Variants in UBALD2 observed in about 807,000 individuals in gnomAD.
The protein encoded by UBALD2 is UBA like domain containing 2.
Under a neutral mutation model 15.9 loss-of-function variants are expected in UBALD2, and 8 were observed. That is an observed-to-expected ratio of 0.50 (90% CI 0.29 to 0.91). The LOEUF is 0.91. Among genes scored for constraint, UBALD2 ranks in the 40% least tolerant of loss-of-function variants. UBALD2 has a pLI of 0.07. For synonymous variants in UBALD2, 113 were observed against 97.7 expected (o/e 1.16, Z -0.93); for missense variants, 178 against 234.8 (o/e 0.76, Z 1.58).
At chr17:76,268,766 C>T (rs1174954298) in intron 2 of UBALD2, among the ~76,000 whole-genome samples, 2 of 126,580 alleles carry the variant, frequency 1.6e-5, no homozygotes, top group Admixed American at 1.7e-4. Context: ...CGGAGTTTTG[C>T]TCTGCCACCT....
At chr17:76,268,188 C>T (rs1387165455) in intron 2 of UBALD2, among the ~76,000 whole-genome samples, 1 of 152,184 alleles carries the variant, frequency 6.6e-6, no homozygotes, top group Non-Finnish European at 1.5e-5. Flanking sequence ...GACAAAGGTA[C>T]AGGGGACAAT....
At position 76,265,935 on chromosome 17, in the gene UBALD2, C is replaced by G; in HGVS notation, c.149C>G (p.Thr50Ser). 6.2e-7 allele frequency: 1 copy of G among 1,601,350 alleles called. No individual in the cohort carries two copies. The highest frequency in any genetic ancestry group is 1.3e-5 in the African/African-American group (1 of 74,682). The change falls in exon 2 of 3, where the codon ACC becomes AGC. Residue 50 changes from threonine (T) to serine (S), a missense_variant. Transcript: ENST00000327490. Reference sequence around the variant, plus strand: ...GCGCTGAGCACGTTCTTCCAAGAAACCAACATTCCCAACAGCCACCACCAC... The same window carrying G: ...GCGCTGAGCACGTTCTTCCAAGAAAGCAACATTCCCAACAGCCACCACCAC... ...ETALSTFFQE[T>S]NIPNSHHHHQ...
chr17:76,270,079 G>GA, intron 2 of UBALD2, 115 bp from the exon 3 acceptor site: 2 of 1,129,820 alleles, frequency 1.8e-6, no homozygotes, highest in Non-Finnish European at 2.5e-6. Flanking sequence ...CTGCTTGTGC[G>GA]AAAATGAATG....
rs1046853784 is a variant in UBALD2, at chr17:76,269,682, G to A, written c.184-512G>A. On this transcript the variant is annotated intron_variant, in intron 2 of 2. Coordinates refer to ENST00000327490, the MANE Select transcript of UBALD2 (RefSeq NM_182565.4). This position sits in a 1 kb window ranked among gnomAD's most constrained non-coding sequence, Gnocchi z 4.6. The stretch of plus-strand genomic sequence containing the variant: ...AAGGGAGGCAAAGCCTTCAAGGCCT[G>A]GTGGCTGTCACCCTTAGTGTGGTGT... Among the ~76,000 whole-genome samples the A allele has an allele frequency of 6.6e-6, 1 of 152,236 alleles. No homozygotes were observed. Among genetic ancestry groups the A allele is most frequent in the Non-Finnish European group, 1.5e-5 (1 of 68,032 alleles).
chr17:76,268,858 C>T (rs2143063334), intron 2 of UBALD2, among the ~76,000 whole-genome samples: 1 of 152,008 alleles, frequency 6.6e-6, no homozygotes, highest in Admixed American at 6.6e-5. Flanking sequence ...CTCAACCTCC[C>T]AAGTAGCTGG....
At position 76,265,641 on chromosome 17, in the gene UBALD2, C is replaced by T. The variant is rs2070538913; in HGVS notation, c.120+16C>T. On this transcript the variant is annotated intron_variant, in intron 1 of 2. Coordinates refer to ENST00000327490, the MANE Select transcript of UBALD2 (RefSeq NM_182565.4). The stretch of plus-strand genomic sequence containing the variant: ...GCAGTTCGAGGTGCGAGCCTGGCCG[C>T]CGCGGGGCCGGGCCGCGGGGGTCGG... 8.6e-7 allele frequency: 1 copy of T among 1,159,072 alleles called. No individual in the cohort carries two copies. Among genetic ancestry groups the T allele is most frequent in the East Asian group, 5.1e-5 (1 of 19,748 alleles). The allele number at this position is 1,159,072 out of a possible 1,614,324, so 71.8% of individuals were successfully genotyped here.
At chr17:76,267,490 C>CTTTTT (rs55819046) in intron 2 of UBALD2, among the ~76,000 whole-genome samples, 1,900 of 115,042 alleles carry the variant, frequency 0.017, 76 homozygotes, top group African/African-American at 0.054. Context: ...TTCATGGTTT[C>CTTTTT]TTTTTTTTTT....
chr17:76,268,036 T>C (rs2070557831), intron 2 of UBALD2, among the ~76,000 whole-genome samples: 2 of 152,140 alleles, frequency 1.3e-5, no homozygotes, highest in South Asian at 2.1e-4. Context: ...AACAGCAAAA[T>C]GGCAAAACCA....
intron 2 of UBALD2, among the ~76,000 whole-genome samples, chr17:76,266,283 G>A (rs775614726): frequency 9.9e-5 from 15 of 152,236 alleles, no homozygotes; most frequent in Non-Finnish European, 1.6e-4. Context: ...AGGGGATGGG[G>A]AGGGGGAGAG....
At position 76,268,488 on chromosome 17, in the gene UBALD2, T is replaced by TGGGGG. The variant is rs34116305; in HGVS notation, c.184-1700_184-1696dup. 6.9e-5 allele frequency among the ~76,000 whole-genome samples: 9 copies of TGGGGG among 129,510 alleles called. No individual in the cohort carries two copies. The South Asian group carries it at 2.4e-3, about 34-fold the overall frequency. 85.0% of individuals were successfully genotyped at this position (129,510 alleles called of 152,430 possible). On this transcript the variant is annotated intron_variant, in intron 2 of 2. Transcript: ENST00000327490. The stretch of plus-strand genomic sequence containing the variant: ...CTGCCGAGAAGTCATCCCCAGAGGG[T>TGGGGG]GGGGGGGGGGCAGGGAGTAGTGGAG...
In UBALD2 at chr17:76,265,414, G is replaced by C. The variant is rs2070536319; in HGVS notation, c.-92G>C. 2 of 977,174 alleles carry C rather than the reference G, an allele frequency of 2.0e-6. No homozygotes were observed. The highest frequency in any genetic ancestry group is 2.4e-6 in the Non-Finnish European group (2 of 824,620). 60.5% of individuals were successfully genotyped at this position (977,174 alleles called of 1,614,324 possible). A position where few individuals can be genotyped will look rare whatever the true frequency, so the allele number is the denominator to read the frequency against. ...GCGGCGGCAGCAGCGGTGAGCGCGA[G>C]CCCCGGAGCCCCGGGCGGCCGGCCT... On this transcript the variant is annotated 5_prime_UTR_variant, in exon 1 of 3. Coordinates refer to ENST00000327490, the MANE Select transcript of UBALD2 (RefSeq NM_182565.4).
rs1046385386 is a variant in UBALD2 at position 76,269,953 on chromosome 17, C to T, written c.184-241C>T. 6.6e-6 allele frequency among the ~76,000 whole-genome samples: 1 copy of T among 152,292 alleles called. No individual in the cohort carries two copies. Among genetic ancestry groups the T allele is most frequent in the South Asian group, 2.1e-4 (1 of 4,824 alleles). The stretch of plus-strand genomic sequence containing the variant: ...TTAACCATTTACTTTGAATGCTCCT[C>T]GGGGTGTCATTTCCAGGCCTCATGA... On this transcript the variant is annotated intron_variant, in intron 2 of 2. Coordinates refer to ENST00000327490, the MANE Select transcript of UBALD2 (RefSeq NM_182565.4). This position sits in a 1 kb window ranked among gnomAD's most constrained non-coding sequence, Gnocchi z 4.6.
rs1004259173 is a variant in UBALD2 at position 76,265,951 on chromosome 17, C to A, written c.165C>A (p.Ser55Arg). ...TCCAAGAAACCAACATTCCCAACAGCCACCACCACCACCAGATGGTAAGCG... is the reference window on the plus strand; with the variant it reads ...TCCAAGAAACCAACATTCCCAACAGACACCACCACCACCAGATGGTAAGCG... ...TFFQETNIPN[S>R]HHHHQMMCTP... The change falls in exon 2 of 3, where the codon AGC becomes AGA. Residue 55 changes from serine (S) to arginine (R), a missense_variant. Coordinates refer to ENST00000327490, the MANE Select transcript of UBALD2 (RefSeq NM_182565.4). The A allele has an allele frequency of 6.3e-7, 1 of 1,591,998 alleles. No individual in the cohort carries two copies. Among genetic ancestry groups the A allele is most frequent in the South Asian group, 1.1e-5 (1 of 88,174 alleles).
At chr17:76,267,029 G>T (rs1348691064) in intron 2 of UBALD2, among the ~76,000 whole-genome samples, 1 of 152,182 alleles carries the variant, frequency 6.6e-6, no homozygotes, top group Non-Finnish European at 1.5e-5. Flanking sequence ...TGGCATTTGA[G>T]TATGATGGGA....
Position 76,270,836 on chromosome 17 carries a change from G to T in UBALD2, c.*331G>T. The T allele has an allele frequency of 5.4e-6, 1 of 184,646 alleles. No homozygotes were observed. The highest frequency in any genetic ancestry group is 1.1e-5 in the Non-Finnish European group (1 of 90,100). 11.4% of individuals were successfully genotyped at this position (184,646 alleles called of 1,614,324 possible). A position where few individuals can be genotyped will look rare whatever the true frequency, so the allele number is the denominator to read the frequency against. On this transcript the variant is annotated 3_prime_UTR_variant, in exon 3 of 3. Coordinates refer to ENST00000327490, the MANE Select transcript of UBALD2 (RefSeq NM_182565.4). ...GGGCTGCCATGCTGCAGAGCTGATGGAGTGATGTTGTGGGCACAAGGCATC... is the reference window on the plus strand; with the variant it reads ...GGGCTGCCATGCTGCAGAGCTGATGTAGTGATGTTGTGGGCACAAGGCATC...
chr17:76,270,042 G>A (rs997710942), intron 2 of UBALD2, 152 bp from the exon 3 acceptor site: 51 of 739,220 alleles, frequency 6.9e-5, no homozygotes, highest in Admixed American at 2.4e-4. Flanking sequence ...ATTGCCTCGG[G>A]GAGAGGGCAC....
intron 2 of UBALD2, 141 bp downstream of exon 2, chr17:76,266,110 C>CT: frequency 8.9e-7 from 1 of 1,125,114 alleles, no homozygotes; most frequent in Non-Finnish European, 1.3e-6. Context: ...CGGGCCGGCG[C>CT]TGGCGCCTCC....
At chr17:76,267,404 A>G (rs758139219) in intron 2 of UBALD2, among the ~76,000 whole-genome samples, 4 of 151,684 alleles carry the variant, frequency 2.6e-5, no homozygotes, top group Admixed American at 6.6e-5. Context: ...AACACACATA[A>G]CCAGTGTGTC....
At chr17:76,266,288 G>A (rs962910388) in intron 2 of UBALD2, among the ~76,000 whole-genome samples, 6 of 152,168 alleles carry the variant, frequency 3.9e-5, no homozygotes, top group Non-Finnish European at 8.8e-5. Flanking sequence ...ATGGGGAGGG[G>A]GAGAGGGTGA....
Sources: allele counts gnomAD v4.1 joint callset (sites outside exome capture counted in the v4.1 genomes callset), GRCh38; gene constraint gnomAD v4.1.1; non-coding constraint Gnocchi (gnomAD v3.1); transcripts MANE v1.5; gene names NCBI Gene and HGNC (gene_info 2026-07-23, HGNC 2026-07-21).